Variants in ASPH observed in about 807,000 individuals in gnomAD.
The protein encoded by ASPH is aspartate beta-hydroxylase, also known as aspartyl/asparaginyl beta-hydroxylase.
Under a neutral mutation model 118.4 loss-of-function variants are expected in ASPH, and 100 were observed. The ratio of observed to expected loss-of-function variants is 0.84; its 90% CI spans 0.72 to 1.00. ASPH has a LOEUF of 1.00. Ranked by LOEUF, ASPH falls within the 50% of genes least tolerant of loss-of-function variation. The pLI, the probability that ASPH is intolerant of heterozygous loss-of-function variation, is 0.00. For missense variants in ASPH, 920 were observed against 919.5 expected, an observed-to-expected ratio of 1.00 and a Z score of -0.01; for synonymous variants, 315 against 325.6, an observed-to-expected ratio of 0.97 and a Z score of 0.35.
chr8:61,685,791 A>AT lies in ASPH; in HGVS notation c.104-1604dup, dbSNP rs778617779. Among the ~76,000 whole-genome samples, 389 of 144,306 alleles carry AT rather than the reference A, an allele frequency of 2.7e-3. 1 individual carries two copies. Among genetic ancestry groups the AT allele is most frequent in the Middle Eastern group, 7.4e-3 (2 of 272 alleles). The allele number at this position is 144,306 out of a possible 152,430, so 94.7% of individuals were successfully genotyped here. On this transcript the variant is annotated intron_variant, in intron 1 of 24. Transcript: ENST00000379454. ...TATCTACATGCCTACATGTAGATAA[A>AT]TTTTTTTTTTTTTTTGAGACATGGT...
intron 3 of ASPH, chr8:61,676,162 G>C (rs370427136): frequency 7.5e-6 from 12 of 1,599,098 alleles, no homozygotes; most frequent in Non-Finnish European, 1.0e-5. Flanking sequence ...CTGCGGTTTC[G>C]CTTTCTTCTT....
chr8:61,610,142 CATT>C (rs1846870385), intron 14 of ASPH, among the ~76,000 whole-genome samples: 2 of 152,232 alleles, frequency 1.3e-5, no homozygotes, highest in South Asian at 4.1e-4. Context: ...TTGTCACAAT[CATT>C]ATACAAATTA....
chr8:61,714,320 A>AGCCGCTGCTGCTGCTGTT lies in ASPH; in HGVS notation c.34_51dup (p.Asn12_Gly17dup), dbSNP rs781622171. The AGCCGCTGCTGCTGCTGTT allele has an allele frequency of 4.7e-4, 713 of 1,519,464 alleles. 1 individual carries two copies. The highest frequency in any genetic ancestry group is 2.4e-3 in the Middle Eastern group (12 of 4,944). 94.1% of individuals were successfully genotyped at this position (1,519,464 alleles called of 1,614,324 possible). A position where few individuals can be genotyped will look rare whatever the true frequency, so the allele number is the denominator to read the frequency against. On this transcript the variant is annotated inframe_insertion, in exon 1 of 25. Coordinates refer to ENST00000379454, the MANE Select transcript of ASPH (RefSeq NM_004318.4). ...CCCGCACTCGTGCTACCGCTGCCGGAGCCGCTGCTGCTGCTGTTGCCGCTG... is the reference window on the plus strand; with the variant it reads ...CCCGCACTCGTGCTACCGCTGCCGGAGCCGCTGCTGCTGCTGTTGCCGCTGCTGCTGCTGTTGCCGCTG...
rs369044816 is a variant in ASPH at position 61,553,087 on chromosome 8, C to G, written c.1570G>C (p.Asp524His). The G allele has an allele frequency of 6.8e-6, 11 of 1,613,700 alleles. No homozygotes were observed. Among genetic ancestry groups the G allele is most frequent in the Non-Finnish European group, 9.3e-6 (11 of 1,179,700 alleles). The stretch of plus-strand genomic sequence containing the variant: ...CCCAGGTGGAAATAAAATCTCCCAT[C>G]ATCAGTGCCAGGATCTCCGGATTCT... ...GIESGDPGTD[D>H]GRFYFHLGDA... is the part of the protein sequence containing the mutation. Residue 524 changes from aspartate (D) to histidine (H), a missense_variant, in exon 20 of 25, where the codon GAT becomes CAT. Physicochemically the swap from Asp to His is moderately conservative, Grantham distance 81. Coordinates refer to ENST00000379454, the MANE Select transcript of ASPH (RefSeq NM_004318.4).
intron 2 of ASPH, chr8:61,682,593 C>CAA: frequency 9.5e-7 from 1 of 1,054,188 alleles, no homozygotes; most frequent in East Asian, 2.5e-5. Flanking sequence ...GTAAGTCAGT[C>CAA]AAAGCATAGA....
chr8:61,574,696 C>T (rs11985713), intron 16 of ASPH, among the ~76,000 whole-genome samples: 14,357 of 151,866 alleles, frequency 0.095, 944 homozygotes, highest in East Asian at 0.27. Flanking sequence ...CGCGGCCTGT[C>T]GGGTGGGGGG....
At chr8:61,528,289 G>C (rs990725699) in intron 21 of ASPH, among the ~76,000 whole-genome samples, 2 of 152,082 alleles carry the variant, frequency 1.3e-5, no homozygotes, top group East Asian at 3.9e-4. Context: ...AAAACCCCAA[G>C]ACCATGGAAA....
intron 3 of ASPH, chr8:61,668,271 T>G (rs760601258): frequency 1.4e-5 from 23 of 1,606,710 alleles, no homozygotes; most frequent in Non-Finnish European, 2.0e-5. Flanking sequence ...CCCCACTGGG[T>G]CCTTCTGTTG....
At chr8:61,658,809 A>G (rs948204243) in intron 3 of ASPH, 5 of 152,154 alleles carry the variant, frequency 3.3e-5, no homozygotes, top group Admixed American at 1.3e-4. Flanking sequence ...TCTTCTTCCT[A>G]ATATTCTTCA....
At chr8:61,522,023 T>C (rs1474962946) in intron 22 of ASPH, among the ~76,000 whole-genome samples, 1 of 152,170 alleles carries the variant, frequency 6.6e-6, no homozygotes, top group African/African-American at 2.4e-5. Context: ...ACCTTTCCCA[T>C]GGGCTCTGGA....
At chr8:61,533,270 T>C (rs1483347164) in intron 21 of ASPH, among the ~76,000 whole-genome samples, 1 of 152,176 alleles carries the variant, frequency 6.6e-6, no homozygotes, top group Non-Finnish European at 1.5e-5. Flanking sequence ...TTTAAATTCT[T>C]ATTTCTGCAA....
chr8:61,681,193 T>C (rs1827870782), intron 2 of ASPH, among the ~76,000 whole-genome samples, 157 bp from the exon 3 acceptor site: 1 of 151,806 alleles, frequency 6.6e-6, no homozygotes. Flanking sequence ...CAAATGAATA[T>C]CTTACCTAAA....
chr8:61,650,983 C>A, intron 5 of ASPH, 67 bp downstream of exon 5: 1 of 1,440,410 alleles, frequency 6.9e-7, no homozygotes, highest in Non-Finnish European at 9.5e-7. Context: ...AACAAATGTC[C>A]AAGTCATTTT....
chr8:61,661,153 T>C (rs1816705757), intron 3 of ASPH: 1 of 152,192 alleles, frequency 6.6e-6, no homozygotes. Context: ...CTCAATAGAA[T>C]AAATCAGGCT....
intron 1 of ASPH, among the ~76,000 whole-genome samples, chr8:61,708,202 T>C (rs985665429): frequency 8.5e-5 from 13 of 152,166 alleles, no homozygotes; most frequent in African/African-American, 1.4e-4. Context: ...TTCAAATACA[T>C]ACAATTTTAA....
intron 3 of ASPH, among the ~76,000 whole-genome samples, chr8:61,654,485 A>G (rs779837700): frequency 2.6e-5 from 4 of 152,224 alleles, no homozygotes; most frequent in Admixed American, 6.5e-5. Flanking sequence ...GTCACTGTGC[A>G]TGGACAGCCT....
At chr8:61,628,121 G>T (rs1853774257) in intron 13 of ASPH, among the ~76,000 whole-genome samples, 1 of 151,484 alleles carries the variant, frequency 6.6e-6, no homozygotes, top group Non-Finnish European at 1.5e-5. Context: ...TCCTCTGCTT[G>T]GATTTTTTCA....
intron 21 of ASPH, among the ~76,000 whole-genome samples, chr8:61,541,205 A>T (rs1821796509): frequency 6.9e-6 from 1 of 145,884 alleles, no homozygotes; most frequent in African/African-American, 2.6e-5. Flanking sequence ...AATTCATATT[A>T]AAAAAAAAAT....
chr8:61,685,708 C>A (rs776266218), intron 1 of ASPH, among the ~76,000 whole-genome samples: 12 of 151,742 alleles, frequency 7.9e-5, no homozygotes, highest in Non-Finnish European at 1.2e-4. Context: ...TCAAAAGGGG[C>A]CATAAAAACT....
Sources: gnomAD v4.1 joint callset for allele counts (sites outside exome capture counted in the v4.1 genomes callset) on GRCh38, gnomAD v4.1.1 for gene constraint, MANE v1.5 for transcripts, NCBI Gene and HGNC (gene_info 2026-07-23, HGNC 2026-07-21) for gene names.